P2RX4: variants seen among roughly 807,000 people sequenced by gnomAD.
The protein encoded by P2RX4 is P2X purinoceptor 4.
In P2RX4, 37 loss-of-function variants were observed where a neutral mutation model predicts 48.0. The ratio of observed to expected loss-of-function variants is 0.77; its 90% CI spans 0.59 to 1.01. P2RX4 has a LOEUF of 1.01. Among genes scored for constraint, P2RX4 ranks in the 50% least tolerant of loss-of-function variants. The pLI, the probability that P2RX4 is intolerant of heterozygous loss-of-function variation, is 0.00. For synonymous variants in P2RX4, 200 were observed against 199.7 expected, an observed-to-expected ratio of 1.00 and a Z score of -0.01; for missense variants, 501 against 521.4, an observed-to-expected ratio of 0.96 and a Z score of 0.38.
At chr12:121,210,850 T>G (rs1248132915) in intron 1 of P2RX4, among the ~76,000 whole-genome samples, 1 of 152,224 alleles carries the variant, frequency 6.6e-6, no homozygotes, top group Non-Finnish European at 1.5e-5. Context: ...TAGTGCCCCT[T>G]GGCTGTAGGG....
chr12:121,231,969 A>G (rs1887389981), intron 8 of P2RX4, among the ~76,000 whole-genome samples: 1 of 140,324 alleles, frequency 7.1e-6, no homozygotes, highest in Non-Finnish European at 1.5e-5. Context: ...TGGTGCCCCT[A>G]CACTCCAGCC....
Position 121,233,892 on chromosome 12 carries a change from ACAGGC to A in P2RX4, c.*345_*349del. 2.6e-6 allele frequency: 1 copy of A among 384,220 alleles called. No individual in the cohort carries two copies. The highest frequency in any genetic ancestry group is 4.9e-6 in the Non-Finnish European group (1 of 203,774). The allele number at this position is 384,220 out of a possible 1,614,324, so 23.8% of individuals were successfully genotyped here. A position where few individuals can be genotyped will look rare whatever the true frequency, so the allele number is the denominator to read the frequency against. ...CCTCCTGTCTCCAGCTCTCTCCAGG[ACAGGC>A]CCAGTCCTCTGAGGCACGGCGGCTC... On this transcript the variant is annotated 3_prime_UTR_variant, in exon 12 of 12. Transcript: ENST00000337233.
In P2RX4 at chr12:121,222,364, GTT is replaced by G. The variant is rs58279823; in HGVS notation, c.427+208_427+209del. On this transcript the variant is annotated intron_variant, in intron 4 of 11. Transcript: ENST00000337233. ...AAGCCATCCCAGCTCTTGCCCTACTGTTTTTTTTTTTGTTGTTGTTGTTGTTT... is the reference window on the plus strand; with the variant it reads ...AAGCCATCCCAGCTCTTGCCCTACTGTTTTTTTTTGTTGTTGTTGTTGTTT... 1.1e-3 allele frequency: 509 copies of G among 450,722 alleles called. 1 individual carries two copies. Among genetic ancestry groups the G allele is most frequent in the African/African-American group, 9.1e-3 (444 of 48,812 alleles). 27.9% of individuals were successfully genotyped at this position (450,722 alleles called of 1,614,324 possible). A position where few individuals can be genotyped will look rare whatever the true frequency, so the allele number is the denominator to read the frequency against.
Position 121,210,306 on chromosome 12 carries a change from TG to T in P2RX4, c.134+12del. ...CCTGGCCTACGTCATCGGGTGAGCG[TG>T]GGGCCGCGCGGGGGGCGCGGCGGGT... On this transcript the variant is annotated intron_variant, in intron 1 of 11. Transcript: ENST00000337233. The T allele has an allele frequency of 6.6e-7, 1 of 1,517,836 alleles. No individual in the cohort carries two copies. The highest frequency in any genetic ancestry group is 8.8e-7 in the Non-Finnish European group (1 of 1,137,332). 94.0% of individuals were successfully genotyped at this position (1,517,836 alleles called of 1,614,324 possible). A position where few individuals can be genotyped will look rare whatever the true frequency, so the allele number is the denominator to read the frequency against.
intron 5 of P2RX4, 68 bp from the exon 6 acceptor site, chr12:121,228,465 A>ATG (rs1887131916): frequency 1.2e-6 from 1 of 833,312 alleles, no homozygotes; most frequent in Non-Finnish European, 1.9e-6. Flanking sequence ...GTATATATAT[A>ATG]TATATAACAT....
Position 121,232,612 on chromosome 12 carries a change from C to T in P2RX4, c.980C>T (p.Ala327Val). ...TTTTCTTTTTCGGTGTCTTGGCAGG[C>T]AGGGAAATTTGACATCATCCCCACT... ...IRFDIIVFGKAGKFDIIPTMI... is the reference protein window; with the variant it reads ...IRFDIIVFGKVGKFDIIPTMI... Residue 327 changes from alanine to valine, a missense_variant and splice_region_variant, in exon 10 of 12, where the codon GCA (alanine) becomes GTA (valine). Coordinates refer to ENST00000337233, the MANE Select transcript of P2RX4 (RefSeq NM_002560.3). This position sits in a 1 kb window ranked among gnomAD's most constrained non-coding sequence, Gnocchi z 4.3. The T allele has an allele frequency of 6.2e-7, 1 of 1,613,776 alleles. No homozygotes were observed. The highest frequency in any genetic ancestry group is 8.5e-7 in the Non-Finnish European group (1 of 1,179,660).
In P2RX4 at chr12:121,210,251, G is replaced by A. The variant is rs139079618; in HGVS notation, c.87G>A (p.Gly29=). 1.8e-4 allele frequency: 282 copies of A among 1,561,296 alleles called. No individual in the cohort carries two copies. The African/African-American group carries it at 3.7e-3, about 20-fold the overall frequency. The change falls in exon 1 of 12, where the codon GGG becomes GGA. Residue 29 remains glycine (G), a synonymous_variant. Coordinates refer to ENST00000337233, the MANE Select transcript of P2RX4 (RefSeq NM_002560.3). ...TGCTCATCCGCAGCCGCAAAGTGGG[G>A]CTCATGAACCGCGCCGTGCAACTGC... The part of the protein sequence containing the change: ...RIVLIRSRKV[G]LMNRAVQLLI...
At chr12:121,217,857 C>G (rs1886337289) in intron 2 of P2RX4, among the ~76,000 whole-genome samples, 1 of 151,954 alleles carries the variant, frequency 6.6e-6, no homozygotes, top group South Asian at 2.1e-4. Context: ...GCACAGGACT[C>G]CATCGGGAGC....
Position 121,210,140 on chromosome 12 carries a change from G to C in P2RX4, c.-25G>C. On this transcript the variant is annotated 5_prime_UTR_variant, in exon 1 of 12. Coordinates refer to ENST00000337233, the MANE Select transcript of P2RX4 (RefSeq NM_002560.3). ...GGGGACTGGGACCCAGACCGACTAG[G>C]GGACTGGGAGCGGGCGGCGCGGCCA... The C allele has an allele frequency of 2.6e-6, 4 of 1,512,304 alleles. No individual in the cohort carries two copies. Among genetic ancestry groups the C allele is most frequent in the African/African-American group, 1.4e-5 (1 of 69,534 alleles). The allele number at this position is 1,512,304 out of a possible 1,614,324, so 93.7% of individuals were successfully genotyped here. A position where few individuals can be genotyped will look rare whatever the true frequency, so the allele number is the denominator to read the frequency against.
intron 4 of P2RX4, 170 bp from the exon 5 acceptor site, chr12:121,222,777 T>G: frequency 6.5e-7 from 1 of 1,531,762 alleles, no homozygotes; most frequent in South Asian, 1.2e-5. Context: ...GGTAACTGTC[T>G]TCCTCCGATT....
At chr12:121,212,998 G>A (rs1885989389) in intron 1 of P2RX4, 1 of 150,988 alleles carries the variant, frequency 6.6e-6, no homozygotes, top group African/African-American at 2.4e-5. Flanking sequence ...AATTACAACT[G>A]CGGAAAATAT....
At chr12:121,233,251 G>C (rs1013166870) in intron 11 of P2RX4, 159 bp downstream of exon 11, 2 of 650,250 alleles carry the variant, frequency 3.1e-6, no homozygotes, top group Non-Finnish European at 2.7e-6. Context: ...CTCAGCAGCT[G>C]CTCCATCCCT....
intron 1 of P2RX4, among the ~76,000 whole-genome samples, chr12:121,212,377 A>G (rs1885918043): frequency 1.5e-5 from 1 of 64,522 alleles, no homozygotes; most frequent in African/African-American, 6.3e-5. Context: ...CAGGAGCTCA[A>G]GACCAGCCTG....
chr12:121,227,623 C>T (rs549966198), intron 5 of P2RX4, among the ~76,000 whole-genome samples: 99 of 152,268 alleles, frequency 6.5e-4, no homozygotes, highest in African/African-American at 2.0e-3. Context: ...CAGTTTTCAC[C>T]GCCTTGGGGG....
chr12:121,233,413 T>C (rs1181392524), intron 11 of P2RX4, 110 bp from the exon 12 acceptor site: 1 of 1,211,992 alleles, frequency 8.3e-7, no homozygotes, highest in Non-Finnish European at 1.2e-6. Flanking sequence ...GTTCCAGGCC[T>C]GGGACCAACT....
intron 2 of P2RX4, 78 bp downstream of exon 2, chr12:121,217,359 A>T (rs1314324518): frequency 6.9e-7 from 1 of 1,459,424 alleles, no homozygotes; most frequent in East Asian, 2.3e-5. Flanking sequence ...TTAATGATTG[A>T]CGTGGCCTGA....
chr12:121,221,846 G>A (rs545067931), intron 2 of P2RX4, 67 bp from the exon 3 acceptor site: 151 of 1,344,190 alleles, frequency 1.1e-4, no homozygotes, highest in Admixed American at 2.2e-4. Context: ...TTCAGTCAGC[G>A]TCTGCCTTTC....
Position 121,232,538 on chromosome 12 carries a change from A to T in P2RX4, c.978+31A>T, listed in dbSNP as rs1166172645. On this transcript the variant is annotated intron_variant, in intron 9 of 11. Transcript: ENST00000337233. The surrounding 1 kb of genome is among the most constrained non-coding windows in gnomAD (Gnocchi z 4.3). ...TCGCCGCCACTGGCTCCCCTCCGTC[A>T]CTCCCTGCAGGGACAAGGGGCCTCT... The T allele has an allele frequency of 1.9e-6, 3 of 1,605,008 alleles. No individual in the cohort carries two copies. In the African/African-American group the frequency reaches 4.0e-5, roughly 22 times the overall value.
At chr12:121,217,803 C>A (rs1489128497) in intron 2 of P2RX4, among the ~76,000 whole-genome samples, 1 of 150,256 alleles carries the variant, frequency 6.7e-6, no homozygotes, top group Non-Finnish European at 1.5e-5. Context: ...GAATTAGAGA[C>A]CATTAGAGAC....
Sources: gnomAD v4.1 joint callset for allele counts (sites outside exome capture counted in the v4.1 genomes callset) on GRCh38, gnomAD v4.1.1 for gene constraint, Gnocchi (gnomAD v3.1) non-coding constraint, MANE v1.5 for transcripts, NCBI Gene and HGNC (gene_info 2026-07-23, HGNC 2026-07-21) for gene names.